HPSE2: variants seen among roughly 807,000 people sequenced by gnomAD.
HPSE2 encodes inactive heparanase-2.
In HPSE2, 38 loss-of-function variants were observed where a neutral mutation model predicts 60.5. That is an observed-to-expected ratio of 0.63 (90% confidence interval 0.48 to 0.82). The LOEUF is 0.82. Ranked by LOEUF, HPSE2 falls within the 40% of genes least tolerant of loss-of-function variation. The pLI, the probability that HPSE2 is intolerant of heterozygous loss-of-function variation, is 0.00. For missense variants in HPSE2, 713 were observed against 740.4 expected, an observed-to-expected ratio of 0.96 and a Z score of 0.43; for synonymous variants, 295 against 293.2, an observed-to-expected ratio of 1.01 and a Z score of -0.06.
At chr10:98,776,129 G>A (rs1950334099) in intron 3 of HPSE2, among the ~76,000 whole-genome samples, 1 of 151,916 alleles carries the variant, frequency 6.6e-6, no homozygotes, top group Admixed American at 6.6e-5. Context: ...TCTTCCCGGG[G>A]AGCTTTCTAA....
chr10:98,874,156 G>A (rs1192051118), intron 3 of HPSE2, among the ~76,000 whole-genome samples: 3 of 145,996 alleles, frequency 2.1e-5, no homozygotes, highest in Middle Eastern at 3.3e-3. Flanking sequence ...TCTGTATGTT[G>A]TGTGTTCACT....
chr10:99,012,281 A>ATC (rs1175253415), intron 3 of HPSE2, among the ~76,000 whole-genome samples: 1 of 152,150 alleles, frequency 6.6e-6, no homozygotes, highest in African/African-American at 2.4e-5. Context: ...TGAAAGTAAT[A>ATC]ATCTGATAAT....
intron 6 of HPSE2, among the ~76,000 whole-genome samples, chr10:98,653,676 A>ATATATATGC (rs1442640050): frequency 6.6e-6 from 1 of 151,492 alleles, no homozygotes; most frequent in Non-Finnish European, 1.5e-5. Context: ...CATTTCCCTT[A>ATATATATGC]TATATATGCT....
chr10:99,169,192 CAAAA>C (rs751491579), intron 2 of HPSE2, among the ~76,000 whole-genome samples: 1 of 50,510 alleles, frequency 2.0e-5, no homozygotes, highest in Non-Finnish European at 3.7e-5. Flanking sequence ...GACTCCGTCT[CAAAA>C]AAAAAAAAAA....
intron 3 of HPSE2, among the ~76,000 whole-genome samples, chr10:98,830,215 C>T (rs1159635540): frequency 6.6e-6 from 1 of 152,040 alleles, no homozygotes; most frequent in Non-Finnish European, 1.5e-5. Context: ...CATATGCAGT[C>T]CCTGTGTTAA....
intron 3 of HPSE2, among the ~76,000 whole-genome samples, chr10:98,972,867 C>T (rs1429166720): frequency 6.6e-6 from 1 of 152,100 alleles, no homozygotes; most frequent in African/African-American, 2.4e-5. Context: ...TGTAGTTCTT[C>T]TTAATGTATT....
intron 3 of HPSE2, among the ~76,000 whole-genome samples, chr10:99,070,927 A>G (rs142918139): frequency 1.3e-5 from 2 of 152,214 alleles, no homozygotes; most frequent in East Asian, 3.9e-4. Flanking sequence ...GGACATTTAG[A>G]GTGTTTCCAC....
intron 3 of HPSE2, among the ~76,000 whole-genome samples, chr10:98,955,297 G>T (rs759392684): frequency 6.6e-6 from 1 of 152,086 alleles, no homozygotes; most frequent in Admixed American, 6.6e-5. Flanking sequence ...AGTGAGCAAA[G>T]GACGTGAACA....
chr10:99,132,252 A>AAAG (rs1845469577), intron 3 of HPSE2, among the ~76,000 whole-genome samples: 1 of 146,752 alleles, frequency 6.8e-6, no homozygotes, highest in African/African-American at 2.5e-5. Flanking sequence ...AGAAAGAAAG[A>AAAG]AAGAAAGAAA....
intron 11 of HPSE2, among the ~76,000 whole-genome samples, chr10:98,466,467 C>T (rs570823097): frequency 5.4e-4 from 82 of 152,062 alleles, no homozygotes; most frequent in African/African-American, 1.8e-3. Flanking sequence ...CAAAAATTAA[C>T]GGGCGTGGTG....
the HPSE2 span, among the ~76,000 whole-genome samples, chr10:99,300,972 G>T: frequency 6.6e-6 from 1 of 152,146 alleles, no homozygotes; most frequent in Admixed American, 6.5e-5. Flanking sequence ...AAAACCAAAT[G>T]GGGAGTATAG....
chr10:98,981,062 A>T (rs1956194841), intron 3 of HPSE2, among the ~76,000 whole-genome samples: 1 of 152,148 alleles, frequency 6.6e-6, no homozygotes, highest in African/African-American at 2.4e-5. Context: ...GCAACGTTCC[A>T]ACATATTAAG....
At chr10:98,700,252 G>GTAT in intron 5 of HPSE2, among the ~76,000 whole-genome samples, 1 of 150,066 alleles carries the variant, frequency 6.7e-6, no homozygotes, top group Admixed American at 6.7e-5. Context: ...TATACTACAA[G>GTAT]GCTACAGTAA....
intron 9 of HPSE2, among the ~76,000 whole-genome samples, chr10:98,535,013 C>T (rs1403423784): frequency 6.6e-6 from 1 of 152,160 alleles, no homozygotes; most frequent in African/African-American, 2.4e-5. Context: ...TTCCCTTCCA[C>T]CCGCCTCTCA....
intron 3 of HPSE2, among the ~76,000 whole-genome samples, chr10:99,047,220 G>A (rs1006333387): frequency 2.6e-5 from 4 of 152,128 alleles, no homozygotes; most frequent in Non-Finnish European, 5.9e-5. Flanking sequence ...AAGCAATGGG[G>A]AAAGGAACTC....
chr10:98,948,583 TAGA>T (rs1261745392), intron 3 of HPSE2, among the ~76,000 whole-genome samples: 1 of 152,156 alleles, frequency 6.6e-6, no homozygotes, highest in Non-Finnish European at 1.5e-5. Context: ...AAGCAAATGG[TAGA>T]AGAAGGATTG....
intron 11 of HPSE2, among the ~76,000 whole-genome samples, chr10:98,478,887 A>T (rs1487345360): frequency 1.3e-5 from 2 of 152,238 alleles, no homozygotes; most frequent in Non-Finnish European, 2.9e-5. Context: ...GAATAAGAAC[A>T]GTCTCTTATA....
chr10:98,529,887 C>A (rs1943079101), intron 9 of HPSE2, among the ~76,000 whole-genome samples: 5 of 151,624 alleles, frequency 3.3e-5, no homozygotes, highest in Non-Finnish European at 1.5e-5. Flanking sequence ...CCTCACTCCT[C>A]TAACTTTCAC....
At chr10:98,630,757 T>A (rs1946347429) in intron 7 of HPSE2, among the ~76,000 whole-genome samples, 1 of 152,178 alleles carries the variant, frequency 6.6e-6, no homozygotes, top group East Asian at 1.9e-4. Context: ...ACTTTGCTTA[T>A]AAAATACTTA....
Sources: gnomAD v4.1 joint callset for allele counts (sites outside exome capture counted in the v4.1 genomes callset) on GRCh38, gnomAD v4.1.1 for gene constraint, MANE v1.5 for transcripts, NCBI Gene and HGNC (gene_info 2026-07-23, HGNC 2026-07-21) for gene names.